Variants in EEPD1 observed in about 807,000 individuals in gnomAD.
EEPD1 encodes the protein endonuclease/exonuclease/phosphatase family domain-containing protein 1.
EEPD1 carries 17 observed loss-of-function variants against 46.3 expected under a neutral mutation model. That is an observed-to-expected ratio of 0.37 (90% CI 0.25 to 0.55). The LOEUF is 0.55. Among genes scored for constraint, EEPD1 ranks in the 20% least tolerant of loss-of-function variants. The pLI, the probability that EEPD1 is intolerant of heterozygous loss-of-function variation, is 0.83. For synonymous variants in EEPD1, 313 were observed against 315.6 expected, an observed-to-expected ratio of 0.99 and a Z score of 0.09; for missense variants, 673 against 745.6, an observed-to-expected ratio of 0.90 and a Z score of 1.13.
intron 3 of EEPD1, among the ~76,000 whole-genome samples, chr7:36,278,154 C>T (rs900904833): frequency 3.3e-5 from 5 of 152,134 alleles, no homozygotes; most frequent in Non-Finnish European, 7.4e-5. Context: ...CCAGGTGACA[C>T]TGGTGCTCAC....
chr7:36,233,381 CTAT>C (rs1330581302), intron 2 of EEPD1, among the ~76,000 whole-genome samples: 3 of 152,274 alleles, frequency 2.0e-5, no homozygotes, highest in Non-Finnish European at 2.9e-5. Flanking sequence ...ATGGCCTTTG[CTAT>C]TACCCATTCA....
At chr7:36,200,765 C>G (rs1415347404) in intron 2 of EEPD1, among the ~76,000 whole-genome samples, 1 of 152,172 alleles carries the variant, frequency 6.6e-6, no homozygotes, top group Non-Finnish European at 1.5e-5. Context: ...CGTTAAAAAA[C>G]CCGTCACCAA....
intron 3 of EEPD1, 54 bp from the exon 4 acceptor site, chr7:36,281,061 C>G: frequency 6.5e-7 from 1 of 1,528,736 alleles, no homozygotes; most frequent in Non-Finnish European, 9.0e-7. Context: ...CGCCGCCAGC[C>G]GGGACTGCTT....
chr7:36,283,903 G>T (rs78461264), intron 4 of EEPD1, among the ~76,000 whole-genome samples: 1 of 152,188 alleles, frequency 6.6e-6, no homozygotes, highest in African/African-American at 2.4e-5. Context: ...CCCAGGCAGC[G>T]GGTGCTGAGG....
intron 2 of EEPD1, among the ~76,000 whole-genome samples, chr7:36,172,033 A>G (rs923193178): frequency 6.6e-6 from 1 of 152,230 alleles, no homozygotes; most frequent in African/African-American, 2.4e-5. Flanking sequence ...CAATATAAAT[A>G]ATACTTGGGC....
At chr7:36,251,286 C>T (rs1467650652) in intron 3 of EEPD1, among the ~76,000 whole-genome samples, 2 of 152,178 alleles carry the variant, frequency 1.3e-5, no homozygotes, top group Non-Finnish European at 2.9e-5. Flanking sequence ...CTCTTCTTTC[C>T]TCTACTGGTA....
chr7:36,198,366 A>AAAAAAAAAAAAAAAAAAT (rs1785650470), intron 2 of EEPD1, among the ~76,000 whole-genome samples: 1 of 135,046 alleles, frequency 7.4e-6, no homozygotes, highest in Non-Finnish European at 1.6e-5. Context: ...AAAGAAAGAT[A>AAAAAAAAAAAAAAAAAAT]TTTTCCTGAA....
chr7:36,214,779 A>C (rs1314354375), intron 2 of EEPD1, among the ~76,000 whole-genome samples: 2 of 152,222 alleles, frequency 1.3e-5, no homozygotes, highest in African/African-American at 4.8e-5. Flanking sequence ...GGAGCTTCCC[A>C]GCAGGAATGG....
At chr7:36,197,875 C>T (rs1785636390) in intron 2 of EEPD1, among the ~76,000 whole-genome samples, 1 of 150,696 alleles carries the variant, frequency 6.6e-6, no homozygotes, top group African/African-American at 2.4e-5. Flanking sequence ...GCGAGAAACA[C>T]CCAAGAATGA....
chr7:36,163,635 T>C (rs1345585396), intron 2 of EEPD1, among the ~76,000 whole-genome samples: 2 of 152,144 alleles, frequency 1.3e-5, no homozygotes, highest in African/African-American at 2.4e-5. Flanking sequence ...ATCCCAGCAC[T>C]TTGGGAGGCC....
intron 3 of EEPD1, among the ~76,000 whole-genome samples, chr7:36,255,759 A>G (rs987936505): frequency 2.0e-5 from 3 of 151,784 alleles, no homozygotes; most frequent in Admixed American, 2.0e-4. Flanking sequence ...TATTTTGTTA[A>G]TCTTTTCAAA....
intron 2 of EEPD1, among the ~76,000 whole-genome samples, chr7:36,196,970 C>G (rs1470137547): frequency 3.6e-4 from 54 of 151,410 alleles, no homozygotes; most frequent in African/African-American, 1.2e-3. Context: ...AAGTGAGGAG[C>G]GTCTCTGCCC....
At chr7:36,267,321 G>C (rs1398787107) in intron 3 of EEPD1, among the ~76,000 whole-genome samples, 2 of 152,058 alleles carry the variant, frequency 1.3e-5, no homozygotes, top group Non-Finnish European at 2.9e-5. Flanking sequence ...AGGGTATGGG[G>C]GCCCCTGCAT....
chr7:36,236,779 T>C (rs536166291), intron 2 of EEPD1, among the ~76,000 whole-genome samples: 3 of 152,198 alleles, frequency 2.0e-5, no homozygotes, highest in Non-Finnish European at 4.4e-5. Context: ...TAAAGGTTTG[T>C]AAATGCACCA....
intron 4 of EEPD1, among the ~76,000 whole-genome samples, chr7:36,281,527 T>C (rs150127145): frequency 4.0e-4 from 61 of 152,356 alleles, no homozygotes; most frequent in Non-Finnish European, 7.6e-4. Context: ...GCCACAGTTC[T>C]GTCTTCTGCC....
chr7:36,219,802 A>AGTGTGTGTGTGT (rs1404686805), intron 2 of EEPD1, among the ~76,000 whole-genome samples: 174 of 67,268 alleles, frequency 2.6e-3, no homozygotes, highest in East Asian at 0.021. Context: ...AGAGAGAGAG[A>AGTGTGTGTGTGT]GAGAGTGTGT....
At chr7:36,176,697 A>G (rs1407981473) in intron 2 of EEPD1, among the ~76,000 whole-genome samples, 3 of 152,250 alleles carry the variant, frequency 2.0e-5, no homozygotes, top group Non-Finnish European at 4.4e-5. Context: ...AATTAAAAAG[A>G]TAGTATATTG....
chr7:36,294,775 A>G (rs1787496728), intron 6 of EEPD1, among the ~76,000 whole-genome samples: 1 of 152,216 alleles, frequency 6.6e-6, no homozygotes, highest in African/African-American at 2.4e-5. Context: ...CAAAACACTA[A>G]TACCCTGTAC....
At chr7:36,248,456 C>T (rs943140296) in intron 3 of EEPD1, among the ~76,000 whole-genome samples, 1 of 151,508 alleles carries the variant, frequency 6.6e-6, no homozygotes, top group Admixed American at 6.6e-5. Context: ...ATCTGCCCAC[C>T]TCGGCCTCCC....
Sources: allele counts gnomAD v4.1 joint callset (sites outside exome capture counted in the v4.1 genomes callset), GRCh38; gene constraint gnomAD v4.1.1; transcripts MANE v1.5; gene names NCBI Gene and HGNC (gene_info 2026-07-23, HGNC 2026-07-21).